The following ARHGAP39 variants were observed in gnomAD, a reference collection of about 807,000 sequenced individuals.
ARHGAP39 encodes the protein Rho GTPase activating protein 39.
Under a neutral mutation model 106.9 loss-of-function variants are expected in ARHGAP39, and 44 were observed. The observed-to-expected ratio is 0.41, with a 90% confidence interval of 0.32 to 0.53. The LOEUF is 0.53. ARHGAP39 is among the 20% of genes least tolerant of loss of function. ARHGAP39 has a pLI of 0.21. For missense variants in ARHGAP39, 1,496 were observed against 1,577.3 expected, an observed-to-expected ratio of 0.95 and a Z score of 0.87; for synonymous variants, 768 against 693.2, an observed-to-expected ratio of 1.11 and a Z score of -1.69.
At chr8:144,575,430 T>A (rs1818735761) in intron 3 of ARHGAP39, among the ~76,000 whole-genome samples, 1 of 152,220 alleles carries the variant, frequency 6.6e-6, no homozygotes, top group African/African-American at 2.4e-5. Flanking sequence ...TTTCTTTACA[T>A]TCTTATTCTA....
Position 144,566,442 on chromosome 8 carries a change from T to C in ARHGAP39, c.513-10799A>G, listed in dbSNP as rs187540028. 3.3e-5 allele frequency among the ~76,000 whole-genome samples: 5 copies of C among 152,050 alleles called. No individual in the cohort carries two copies. The East Asian group carries it at 9.7e-4, about 30-fold the overall frequency. On this transcript the variant is annotated intron_variant, in intron 3 of 11. Coordinates refer to ENST00000377307, the MANE Select transcript of ARHGAP39 (RefSeq NM_025251.3). ...AGCTGGGTGTGGTGGTGTGCACCTGTGGTCCCAGGTGCTGAGGTGGGAGGA... is the reference window on the plus strand; with the variant it reads ...AGCTGGGTGTGGTGGTGTGCACCTGCGGTCCCAGGTGCTGAGGTGGGAGGA...
chr8:144,539,212 C>A (rs768813521), intron 6 of ARHGAP39, among the ~76,000 whole-genome samples: 1 of 152,176 alleles, frequency 6.6e-6, no homozygotes, highest in African/African-American at 2.4e-5. Flanking sequence ...CCTGTGTGCA[C>A]GCTAACTCCT....
intron 2 of ARHGAP39, among the ~76,000 whole-genome samples, chr8:144,597,630 G>A (rs1006557893): frequency 6.6e-5 from 10 of 152,210 alleles, no homozygotes; most frequent in Admixed American, 1.3e-4. Context: ...CAATGGGGCC[G>A]GGATTGCTGA....
chr8:144,544,738 G>A (rs2130836770), intron 6 of ARHGAP39, among the ~76,000 whole-genome samples: 1 of 152,348 alleles, frequency 6.6e-6, no homozygotes, highest in East Asian at 1.9e-4. Context: ...GCAGCTTTGG[G>A]GCAGCTCAGG....
At chr8:144,582,404 C>T (rs1819028786) in intron 2 of ARHGAP39, among the ~76,000 whole-genome samples, 1 of 152,256 alleles carries the variant, frequency 6.6e-6, no homozygotes, top group South Asian at 2.1e-4. Flanking sequence ...CCCCGCCACC[C>T]CCAGAGGCCA....
intron 9 of ARHGAP39, 81 bp from the exon 10 acceptor site, chr8:144,532,477 G>A: frequency 7.6e-7 from 1 of 1,309,700 alleles, no homozygotes; most frequent in Non-Finnish European, 1.1e-6. Flanking sequence ...CCCTCCGGTA[G>A]GCCCCTGCTG....
intron 7 of ARHGAP39, among the ~76,000 whole-genome samples, chr8:144,536,446 T>C (rs113639040): frequency 0.11 from 17,084 of 152,228 alleles, 3,143 homozygotes; most frequent in African/African-American, 0.38. Context: ...GTCTGCTCCC[T>C]GCTCCGCCTG....
chr8:144,642,677 G>A (rs1586633141), intron 1 of ARHGAP39, among the ~76,000 whole-genome samples: 1 of 152,080 alleles, frequency 6.6e-6, no homozygotes, highest in Non-Finnish European at 1.5e-5. Context: ...GTGAATAAGT[G>A]TCATGAGATC....
intron 2 of ARHGAP39, among the ~76,000 whole-genome samples, chr8:144,601,002 CTG>C (rs565808739): frequency 3.7e-4 from 38 of 103,480 alleles, no homozygotes; most frequent in South Asian, 1.6e-3. Context: ...GCTCATGTAC[CTG>C]TGTGTGTGCG....
At position 144,671,320 on chromosome 8, in the gene ARHGAP39, G is replaced by A. The variant is rs1407109169; in HGVS notation, c.-82+14366C>T. 6.6e-6 allele frequency among the ~76,000 whole-genome samples: 1 copy of A among 152,216 alleles called. No homozygotes were observed. The highest frequency in any genetic ancestry group is 1.5e-5 in the Non-Finnish European group (1 of 68,032). The stretch of plus-strand genomic sequence containing the variant: ...GGTCAAGGGTGGATAATAACTTCAC[G>A]TAAGTTCTGATGTTTTCCGCAAAAG... On this transcript the variant is annotated intron_variant, in intron 1 of 11. Coordinates refer to ENST00000377307, the MANE Select transcript of ARHGAP39 (RefSeq NM_025251.3). This position sits in a 1 kb window ranked among gnomAD's most constrained non-coding sequence, Gnocchi z 4.5.
the ARHGAP39 span, among the ~76,000 whole-genome samples, chr8:144,695,760 G>A: frequency 8.3e-4 from 126 of 152,310 alleles, no homozygotes; most frequent in African/African-American, 2.9e-3. Context: ...ACAGTTCTAG[G>A]TGCAGGGGCT....
At position 144,607,432 on chromosome 8, in the gene ARHGAP39, C is replaced by A. The variant is rs1319946976; in HGVS notation, c.-81-1737G>T. On this transcript the variant is annotated intron_variant, in intron 1 of 11. Coordinates refer to ENST00000377307, the MANE Select transcript of ARHGAP39 (RefSeq NM_025251.3). ...AGCCTTGGTGCCACTTCGCCTGTAG[C>A]ACTGGCTTATAGAAGCCACAGGGCC... Among the ~76,000 whole-genome samples the A allele has an allele frequency of 2.6e-5, 4 of 152,126 alleles. No homozygotes were observed. In the East Asian group the frequency reaches 7.7e-4, roughly 29 times the overall value.
At chr8:144,692,748 CTTTTT>C in the ARHGAP39 span, among the ~76,000 whole-genome samples, 2 of 69,050 alleles carry the variant, frequency 2.9e-5, no homozygotes, top group Admixed American at 2.0e-4. Flanking sequence ...TTGTAAAATT[CTTTTT>C]TTTTTTTTTT....
At chr8:144,621,933 C>G (rs554455859) in intron 1 of ARHGAP39, among the ~76,000 whole-genome samples, 1 of 152,368 alleles carries the variant, frequency 6.6e-6, no homozygotes, top group African/African-American at 2.4e-5. Flanking sequence ...CTCAGGTACT[C>G]CTCAGAAGAG....
chr8:144,627,479 T>C (rs1820952119), intron 1 of ARHGAP39, among the ~76,000 whole-genome samples: 1 of 140,564 alleles, frequency 7.1e-6, no homozygotes, highest in South Asian at 2.2e-4. Context: ...GGCTTGAACC[T>C]GGGAGGCGGA....
intron 1 of ARHGAP39, among the ~76,000 whole-genome samples, chr8:144,643,801 T>C (rs548337927): frequency 6.6e-6 from 1 of 152,348 alleles, no homozygotes; most frequent in Non-Finnish European, 1.5e-5. Flanking sequence ...AGCTTGTCTT[T>C]TCATCTTCTT....
chr8:144,538,835 T>C (rs2086361), intron 6 of ARHGAP39, among the ~76,000 whole-genome samples: 15,737 of 152,186 alleles, frequency 0.1, 1,063 homozygotes, highest in African/African-American at 0.19. Flanking sequence ...CCTCCCAAAG[T>C]GCTGGGATTA....
At chr8:144,611,873 G>A (rs762117062) in intron 1 of ARHGAP39, among the ~76,000 whole-genome samples, 7 of 152,110 alleles carry the variant, frequency 4.6e-5, no homozygotes, top group Non-Finnish European at 1.0e-4. Context: ...GCCAGACATG[G>A]TGGGGTGCAC....
chr8:144,678,645 C>T (rs575933545), intron 1 of ARHGAP39, among the ~76,000 whole-genome samples: 3 of 152,326 alleles, frequency 2.0e-5, no homozygotes, highest in African/African-American at 7.2e-5. Flanking sequence ...CAGAGTCACT[C>T]GCCTAGACGC....
Sources: gnomAD v4.1 joint callset for allele counts (sites outside exome capture counted in the v4.1 genomes callset) on GRCh38, gnomAD v4.1.1 for gene constraint, Gnocchi (gnomAD v3.1) non-coding constraint, MANE v1.5 for transcripts, NCBI Gene and HGNC (gene_info 2026-07-23, HGNC 2026-07-21) for gene names.